The following NECTIN1 variants were observed in gnomAD, a reference collection of about 807,000 sequenced individuals.
NECTIN1 encodes the protein nectin cell adhesion molecule 1, also known as nectin-1.
Under a neutral mutation model 48.0 loss-of-function variants are expected in NECTIN1, and 23 were observed. The observed-to-expected ratio is 0.48, with a 90% CI of 0.34 to 0.68. The LOEUF (loss-of-function observed/expected upper bound fraction) is 0.68, where lower values mean the gene tolerates loss of function less well. Ranked by LOEUF, NECTIN1 falls within the 30% of genes least tolerant of loss-of-function variation. The pLI, the probability that NECTIN1 is intolerant of heterozygous loss-of-function variation, is 0.01. For synonymous variants in NECTIN1, 270 were observed against 288.9 expected (o/e 0.93, Z 0.66); for missense variants, 591 against 709.9 (o/e 0.83, Z 1.90).
chr11:119,704,131 C>T (rs772798245), intron 1 of NECTIN1, among the ~76,000 whole-genome samples: 3 of 152,180 alleles, frequency 2.0e-5, no homozygotes, highest in Non-Finnish European at 2.9e-5. Flanking sequence ...GCACCCCTCA[C>T]GCCCCACCAT....
chr11:119,660,369 C>G (rs1293659837), downstream of NECTIN1, among the ~76,000 whole-genome samples: 1 of 151,826 alleles, frequency 6.6e-6, no homozygotes, highest in African/African-American at 2.4e-5. Flanking sequence ...AGAAGACCTT[C>G]TCTCCAAACA....
In NECTIN1 at chr11:119,677,607, G is replaced by A. The variant is rs144781194; in HGVS notation, c.681C>T (p.Ile227=). The change falls in exon 3 of 6, where the codon ATC becomes ATT. Residue 227 remains isoleucine, a synonymous_variant. Transcript: ENST00000264025. The surrounding 1 kb of genome is among the most constrained non-coding windows in gnomAD (Gnocchi z 5.4). The part of the protein sequence containing the change: ...REAHQQSLAC[I]VNYHMDRFKE... ...TGAAGCGGTCCATGTGGTAGTTGAC[G>A]ATGCAGGCCAAGGACTGCTGGTGGG... 231 of 1,613,432 alleles carry A rather than the reference G, an allele frequency of 1.4e-4. 1 individual carries two copies. Among genetic ancestry groups the A allele is most frequent in the African/African-American group, 5.6e-4 (42 of 75,006 alleles).
chr11:119,654,781 G>A (rs1218842004), intron 5 of NECTIN1, among the ~76,000 whole-genome samples: 2 of 152,032 alleles, frequency 1.3e-5, no homozygotes, highest in Non-Finnish European at 2.9e-5. Flanking sequence ...ATATTGGCCA[G>A]GCTGGTCTCA....
chr11:119,713,931 G>A (rs1820419977), intron 1 of NECTIN1: 2 of 453,316 alleles, frequency 4.4e-6, no homozygotes, highest in Non-Finnish European at 8.9e-6. Flanking sequence ...TGGGGACTTG[G>A]GGAGAAACTC....
In NECTIN1 at chr11:119,724,439, G is replaced by A. The variant is rs1435935372; in HGVS notation, c.79+4036C>T. Among the ~76,000 whole-genome samples the A allele has an allele frequency of 1.3e-5, 2 of 152,120 alleles. 1 individual carries two copies. Among genetic ancestry groups the A allele is most frequent in the Admixed American group, 1.3e-4 (2 of 15,272 alleles). On this transcript the variant is annotated intron_variant, in intron 1 of 5. Coordinates refer to ENST00000264025, the MANE Select transcript of NECTIN1 (RefSeq NM_002855.5). ...GCAGAGGCCCAGTCTAAAGCCAAGG[G>A]CAGAACAGAAAAAGGAAGCATCATA... is the stretch of plus-strand genomic sequence containing the variant.
chr11:119,652,443 G>T (rs1414992881), intron 5 of NECTIN1, among the ~76,000 whole-genome samples: 1 of 151,978 alleles, frequency 6.6e-6, no homozygotes, highest in Non-Finnish European at 1.5e-5. Flanking sequence ...TTCTAGGAGG[G>T]CCCCCACCTG....
At chr11:119,660,408 T>C (rs368379915), downstream of NECTIN1, among the ~76,000 whole-genome samples, 120 of 144,526 alleles carry the variant, frequency 8.3e-4, no homozygotes, top group Middle Eastern at 6.9e-3. Flanking sequence ...AATGGGGGGG[T>C]ACAGGAGGGG....
chr11:119,691,188 C>T (rs1865245933), intron 1 of NECTIN1, among the ~76,000 whole-genome samples: 1 of 152,206 alleles, frequency 6.6e-6, no homozygotes, highest in Non-Finnish European at 1.5e-5. Context: ...CAACACAAAC[C>T]CGGGTCATGA....
intron 1 of NECTIN1, among the ~76,000 whole-genome samples, chr11:119,715,703 C>G (rs750834959): frequency 1.3e-5 from 2 of 152,042 alleles, no homozygotes; most frequent in Non-Finnish European, 2.9e-5. Context: ...GAATGCAGGC[C>G]CCTGCCTAGT....
chr11:119,726,146 C>T (rs1302303431), intron 1 of NECTIN1, among the ~76,000 whole-genome samples: 2 of 152,206 alleles, frequency 1.3e-5, no homozygotes, highest in Admixed American at 6.5e-5. Context: ...CCTCAAACCC[C>T]CAGACCCAGG....
intron 5 of NECTIN1, among the ~76,000 whole-genome samples, chr11:119,648,696 C>T (rs1864449040): frequency 6.6e-6 from 1 of 152,014 alleles, no homozygotes; most frequent in South Asian, 2.1e-4. Context: ...GCCCAGGAAG[C>T]TGCCTGTTTA....
intron 1 of NECTIN1, chr11:119,713,650 T>C: frequency 3.1e-6 from 1 of 323,228 alleles, no homozygotes; most frequent in Non-Finnish European, 6.2e-6. Flanking sequence ...GCCTTGGGGG[T>C]GACAGGAAAG....
chr11:119,694,224 G>A (rs1210952908), intron 1 of NECTIN1, among the ~76,000 whole-genome samples: 2 of 152,124 alleles, frequency 1.3e-5, no homozygotes, highest in South Asian at 2.1e-4. Context: ...GGGGAAGCAG[G>A]AGCTGGCAGG....
At chr11:119,638,652 G>T in intron 7 of NECTIN1, 1 of 1,311,168 alleles carries the variant, frequency 7.6e-7, no homozygotes, top group Non-Finnish European at 1.1e-6. Flanking sequence ...TTCAGCTTGG[G>T]CTCTCTCCTT....
intron 1 of NECTIN1, among the ~76,000 whole-genome samples, chr11:119,701,928 C>T (rs917972018): frequency 1.4e-4 from 22 of 152,304 alleles, no homozygotes; most frequent in Admixed American, 6.5e-4. Flanking sequence ...AGCTGTCAAA[C>T]CACTCCCAAT....
In NECTIN1 at chr11:119,664,055, C is replaced by G. The variant is rs1591448148; in HGVS notation, c.*692G>C. The G allele has an allele frequency of 1.2e-5, 12 of 985,398 alleles. No individual in the cohort carries two copies. In the South Asian group the frequency reaches 3.8e-4, roughly 31 times the overall value. 61.0% of individuals were successfully genotyped at this position (985,398 alleles called of 1,614,324 possible). On this transcript the variant is annotated 3_prime_UTR_variant, in exon 6 of 6. Transcript: ENST00000264025. The stretch of plus-strand genomic sequence containing the variant: ...GCACATTGGGGATAAAGAGGGGACG[C>G]GTCAGAGCTAGGCCAACTCCACTCT...
intron 1 of NECTIN1, among the ~76,000 whole-genome samples, chr11:119,696,316 G>T (rs1419224554): frequency 6.6e-6 from 1 of 152,208 alleles, no homozygotes; most frequent in African/African-American, 2.4e-5. Flanking sequence ...AGGCTGCCTA[G>T]AGTAAGGTGA....
rs1237050875 is a variant in NECTIN1 at position 119,662,945 on chromosome 11, G to A, written c.*1802C>T. 1.0e-5 allele frequency: 10 copies of A among 977,046 alleles called. No individual in the cohort carries two copies. Among genetic ancestry groups the A allele is most frequent in the Admixed American group, 6.5e-5 (1 of 15,276 alleles). 60.5% of individuals were successfully genotyped at this position (977,046 alleles called of 1,614,324 possible). On this transcript the variant is annotated 3_prime_UTR_variant, in exon 6 of 6. Transcript: ENST00000264025. The surrounding 1 kb of genome is among the most constrained non-coding windows in gnomAD (Gnocchi z 5.3). ...GCCAGGGCAGTGAGGGCCAGACAAC[G>A]ACGACCCACCTGCTGGGCCCAGGGT...
At chr11:119,723,917 T>C (rs1409620382) in intron 1 of NECTIN1, among the ~76,000 whole-genome samples, 1 of 152,044 alleles carries the variant, frequency 6.6e-6, no homozygotes, top group Non-Finnish European at 1.5e-5. Flanking sequence ...GGGGAAACGT[T>C]TTCTAGTTGG....
Sources: gnomAD v4.1 joint callset for allele counts (sites outside exome capture counted in the v4.1 genomes callset) on GRCh38, gnomAD v4.1.1 for gene constraint, Gnocchi (gnomAD v3.1) non-coding constraint, MANE v1.5 for transcripts, NCBI Gene and HGNC (gene_info 2026-07-23, HGNC 2026-07-21) for gene names.